The following ZNF469 variants were observed in gnomAD, a reference collection of about 807,000 sequenced individuals.
ZNF469 encodes the protein zinc finger protein 469.
ZNF469 carries 1 observed loss-of-function variant against 1.0 expected under a neutral mutation model. The ratio of observed to expected loss-of-function variants is 1.00; its 90% CI spans 0.35 to 4.73. The LOEUF (loss-of-function observed/expected upper bound fraction) is 4.73. Among genes scored for constraint, ZNF469 ranks in the 30% most tolerant of loss-of-function variants. The pLI, the probability that ZNF469 is intolerant of heterozygous loss-of-function variation, is 0.16. For synonymous variants in ZNF469, 2,703 were observed against 2,363.4 expected, an observed-to-expected ratio of 1.14 and a Z score of -4.17; for missense variants, 6,100 against 5,356.3, an observed-to-expected ratio of 1.14 and a Z score of -4.33.
At chr16:88,215,383 A>ACTTTTTTTTTTTTTTTTTTTT in the ZNF469 span, among the ~76,000 whole-genome samples, 2 of 94,188 alleles carry the variant, frequency 2.1e-5, 1 homozygote. Flanking sequence ...TTGCCTTTTA[A>ACTTTTTTTTTTTTTTTTTTTT]TTTTTTTTTT....
At chr16:88,287,388 A>G in the ZNF469 span, among the ~76,000 whole-genome samples, 1 of 152,234 alleles carries the variant, frequency 6.6e-6, no homozygotes, top group African/African-American at 2.4e-5. Context: ...GTTGCATTGT[A>G]GACAGTGGTT....
At chr16:88,217,647 C>G in the ZNF469 span, among the ~76,000 whole-genome samples, 1 of 100,412 alleles carries the variant, frequency 1.0e-5, no homozygotes, top group African/African-American at 3.8e-5. Flanking sequence ...TGTGTCCATG[C>G]GATCTCATTG....
At chr16:88,407,260 C>T (rs532988657) in intron 1 of ZNF469, among the ~76,000 whole-genome samples, 44 of 105,524 alleles carry the variant, frequency 4.2e-4, no homozygotes, top group Non-Finnish European at 6.7e-4. Context: ...GTCTCAGCTG[C>T]GTCCACACTT....
the ZNF469 span, among the ~76,000 whole-genome samples, chr16:88,143,108 C>T: frequency 6.6e-6 from 1 of 152,064 alleles, no homozygotes; most frequent in Non-Finnish European, 1.5e-5. Flanking sequence ...GAGCACTCAC[C>T]GAATCCTCAC....
the ZNF469 span, among the ~76,000 whole-genome samples, chr16:88,168,380 G>A: frequency 1.3e-5 from 2 of 152,160 alleles, no homozygotes; most frequent in East Asian, 1.9e-4. The surrounding 1 kb of genome is among the most constrained non-coding windows in gnomAD (Gnocchi z 4.3). Flanking sequence ...GGCTGACAAC[G>A]GCCTTGAGCT....
At chr16:88,284,207 C>T in the ZNF469 span, among the ~76,000 whole-genome samples, 734 of 152,240 alleles carry the variant, frequency 4.8e-3, 5 homozygotes, top group African/African-American at 0.017. Context: ...CTGGTAGACC[C>T]TGAGTGCCCA....
Position 88,434,442 on chromosome 16 carries a change from G to T in ZNF469, c.6972G>T (p.Arg2324Ser), listed in dbSNP as rs1257588274. 1 of 1,549,752 alleles carries T rather than the reference G, an allele frequency of 6.5e-7. No individual in the cohort carries two copies. The highest frequency in any genetic ancestry group is 1.2e-5 in the South Asian group (1 of 84,060). The change falls in exon 3 of 3, where the codon AGG becomes AGT. Residue 2324 changes from arginine (R) to serine (S), a missense_variant. Coordinates refer to ENST00000565624, the MANE Select transcript of ZNF469 (RefSeq NM_001367624.2). ...PPHTNPDRMPRGHSSYSPSNT... is the reference protein window; with the variant it reads ...PPHTNPDRMPSGHSSYSPSNT... ...ACACCAACCCTGACAGGATGCCCAGGGGCCACTCCTCGTATTCTCCAAGCA... is the reference window on the plus strand; with the variant it reads ...ACACCAACCCTGACAGGATGCCCAGTGGCCACTCCTCGTATTCTCCAAGCA...
At chr16:88,131,842 C>G in the ZNF469 span, among the ~76,000 whole-genome samples, 1 of 152,050 alleles carries the variant, frequency 6.6e-6, no homozygotes, top group Non-Finnish European at 1.5e-5. Context: ...AGCTCTGTGA[C>G]CTCCTGGTGG....
the ZNF469 span, among the ~76,000 whole-genome samples, chr16:88,149,334 G>A: frequency 0.16 from 24,103 of 151,932 alleles, 2,481 homozygotes; most frequent in East Asian, 0.49. Flanking sequence ...GGGCGGGAGA[G>A]ATTTCCATGG....
Position 88,436,939 on chromosome 16 carries a change from G to A in ZNF469, c.9469G>A (p.Glu3157Lys). The A allele has an allele frequency of 1.3e-6, 2 of 1,492,858 alleles. No individual in the cohort carries two copies. Among genetic ancestry groups the A allele is most frequent in the South Asian group, 2.6e-5 (2 of 77,474 alleles). The allele number at this position is 1,492,858 out of a possible 1,614,324, so 92.5% of individuals were successfully genotyped here. ...CGTGGAGCGCAGGTTTGGCTCGCGG[G>A]AGCTGCTGCGGGGGCACCTGCAGGA... ...MCVERRFGSR[E>K]LLRGHLQERH... The change falls in exon 3 of 3, where the codon GAG (glutamate) becomes AAG (lysine). Residue 3157 changes from glutamate to lysine, a missense_variant. Physicochemically the swap from Glu to Lys is moderately conservative, Grantham distance 56. Transcript: ENST00000565624.
At chr16:88,193,135 GTGGTGA>G in the ZNF469 span, among the ~76,000 whole-genome samples, 9 of 31,066 alleles carry the variant, frequency 2.9e-4, no homozygotes, top group East Asian at 1.7e-3. Flanking sequence ...GGTGGTGATG[GTGGTGA>G]TGGTGGTGGG....
intron 1 of ZNF469, among the ~76,000 whole-genome samples, chr16:88,422,872 GTGAA>G (rs369676213): frequency 0.073 from 8,679 of 118,984 alleles, 327 homozygotes; most frequent in South Asian, 0.11. Context: ...TGATGGATGA[GTGAA>G]TGGATGGATG....
rs1437510571 is a variant in ZNF469, at chr16:88,431,279, C to T, written c.3809C>T (p.Pro1270Leu). The T allele has an allele frequency of 1.3e-6, 2 of 1,550,320 alleles. No homozygotes were observed. The highest frequency in any genetic ancestry group is 1.7e-6 in the Non-Finnish European group (2 of 1,146,964). ...PGLLIPEQPPPSRHDTGTPKP... is the reference protein window; with the variant it reads ...PGLLIPEQPPLSRHDTGTPKP... ...CTCCTGATACCAGAGCAGCCGCCGC[C>T]CAGCAGACATGACACCGGCACCCCC... The change falls in exon 3 of 3, where the codon CCC becomes CTC. Residue 1270 changes from proline to leucine, a missense_variant. Coordinates refer to ENST00000565624, the MANE Select transcript of ZNF469 (RefSeq NM_001367624.2).
chr16:88,305,510 TCA>T, the ZNF469 span, among the ~76,000 whole-genome samples: 6 of 113,254 alleles, frequency 5.3e-5, no homozygotes, highest in East Asian at 1.3e-3. Context: ...ACGCACACCC[TCA>T]CACACATGCA....
the ZNF469 span, among the ~76,000 whole-genome samples, chr16:88,249,429 C>CTTTT: frequency 1.6e-4 from 10 of 63,602 alleles, no homozygotes; most frequent in African/African-American, 5.9e-4. Flanking sequence ...TTTTCTTTTT[C>CTTTT]TTTTTTTTTT....
At chr16:88,292,943 C>T in the ZNF469 span, among the ~76,000 whole-genome samples, 1 of 152,332 alleles carries the variant, frequency 6.6e-6, no homozygotes, top group South Asian at 2.1e-4. Context: ...ACAGTTTCCA[C>T]CTAAATGCCC....
the ZNF469 span, among the ~76,000 whole-genome samples, chr16:88,147,277 C>T: frequency 1.4e-4 from 21 of 152,180 alleles, no homozygotes; most frequent in East Asian, 3.9e-4. Context: ...CTGGAGCCTC[C>T]GGGAGCAGCC....
At chr16:88,252,948 GA>G in the ZNF469 span, among the ~76,000 whole-genome samples, 1 of 152,204 alleles carries the variant, frequency 6.6e-6, no homozygotes, top group Non-Finnish European at 1.5e-5. Flanking sequence ...CCTTTAAGCA[GA>G]ATCCTATAGC....
the ZNF469 span, among the ~76,000 whole-genome samples, chr16:88,279,136 CACCACGCCGACACTT>C: frequency 8.4e-6 from 1 of 118,830 alleles, no homozygotes; most frequent in African/African-American, 2.9e-5. Context: ...GTTAGTGCTG[CACCACGCCGACACTT>C]GGTCAGTACC....
Sources: gnomAD v4.1 joint callset for allele counts (sites outside exome capture counted in the v4.1 genomes callset) on GRCh38, gnomAD v4.1.1 for gene constraint, Gnocchi (gnomAD v3.1) non-coding constraint, MANE v1.5 for transcripts, NCBI Gene and HGNC (gene_info 2026-07-23, HGNC 2026-07-21) for gene names.